TOP3A: variants seen among roughly 807,000 people sequenced by gnomAD.
The protein encoded by TOP3A is DNA topoisomerase 3-alpha.
TOP3A carries 64 observed loss-of-function variants against 111.3 expected under a neutral mutation model. That is an observed-to-expected ratio of 0.57 (90% CI 0.47 to 0.71). The LOEUF is 0.71. TOP3A is among the 30% of genes least tolerant of loss of function. The pLI is 0.00. For missense variants in TOP3A, 1,104 were observed against 1,285.0 expected (o/e 0.86, Z 2.15); for synonymous variants, 484 against 485.1 (o/e 1.00, Z 0.03).
Position 18,292,501 on chromosome 17 carries a change from G to A in TOP3A, c.1281+144C>T, listed in dbSNP as rs556389000. ...GAGGGATGAGGCGGTCTTTATCAAA[G>A]CCAGGCAGAGGATTGTGAAATGAGA... On this transcript the variant is annotated intron_variant, in intron 11 of 18. Transcript: ENST00000321105. 3.6e-5 allele frequency: 29 copies of A among 814,936 alleles called. 1 individual carries two copies. The highest frequency in any genetic ancestry group is 4.9e-5 in the Non-Finnish European group (27 of 547,884). 50.5% of individuals were successfully genotyped at this position (814,936 alleles called of 1,614,324 possible).
chr17:18,292,888 C>T (rs1262220157), intron 10 of TOP3A, 36 bp from the exon 11 acceptor site: 6 of 1,576,674 alleles, frequency 3.8e-6, no homozygotes, highest in South Asian at 1.2e-5. Context: ...AAAGAAATTG[C>T]TAGGCTCTCT....
At chr17:18,302,510 A>G (rs1297068689) in intron 6 of TOP3A, 70 bp downstream of exon 6, 1 of 1,597,384 alleles carries the variant, frequency 6.3e-7, no homozygotes, top group Non-Finnish European at 8.6e-7. Flanking sequence ...ACATATCGAC[A>G]CAGAGCCCAT....
chr17:18,286,347 CAAA>C (rs57468944), intron 13 of TOP3A, among the ~76,000 whole-genome samples: 11 of 118,466 alleles, frequency 9.3e-5, no homozygotes, highest in Admixed American at 1.8e-4. Flanking sequence ...ACTAAAAATA[CAAA>C]AAAAAAAAAA....
At chr17:18,307,013 A>C in intron 3 of TOP3A, 47 bp from the exon 4 acceptor site, 4 of 1,395,112 alleles carry the variant, frequency 2.9e-6, no homozygotes, top group Non-Finnish European at 4.0e-6. Flanking sequence ...CATGACAGAG[A>C]GCCCTCCAAT....
In TOP3A at chr17:18,307,082, G is replaced by A. The variant is rs909305473; in HGVS notation, c.315-116C>T. 21 of 687,358 alleles carry A rather than the reference G, an allele frequency of 3.1e-5. No individual in the cohort carries two copies. In the East Asian group the frequency reaches 3.6e-4, roughly 12 times the overall value. The allele number at this position is 687,358 out of a possible 1,614,324, so 42.6% of individuals were successfully genotyped here. ...GTGTATCCCCAAAAGAAAAGGTCCCGGTGAATTGAAAGTAAGGCTATGACC... is the reference window on the plus strand; with the variant it reads ...GTGTATCCCCAAAAGAAAAGGTCCCAGTGAATTGAAAGTAAGGCTATGACC... On this transcript the variant is annotated intron_variant, in intron 3 of 18. Transcript: ENST00000321105.
chr17:18,276,762 C>T (rs539527725), intron 18 of TOP3A, among the ~76,000 whole-genome samples: 2 of 152,350 alleles, frequency 1.3e-5, no homozygotes, highest in South Asian at 2.1e-4. Flanking sequence ...AGTGCCTCCA[C>T]GTACACCATT....
rs1242031381 is a variant in TOP3A, at chr17:18,301,980, G to A, written c.820C>T (p.His274Tyr). The change falls in exon 8 of 19, where the codon CAT (histidine) becomes TAT (tyrosine). Residue 274 changes from histidine to tyrosine, a missense_variant. Physicochemically the swap from His to Tyr is moderately conservative, Grantham distance 83. Coordinates refer to ENST00000321105, the MANE Select transcript of TOP3A (RefSeq NM_004618.5). ...PEIFHRIKVT[H>Y]DHKDGIVEFN... ...TCTACGATACCATCTTTGTGGTCAT[G>A]AGTTACTATATTAAGGAGAGACAAA... 1.9e-6 allele frequency: 3 copies of A among 1,613,760 alleles called. No homozygotes were observed. Among genetic ancestry groups the A allele is most frequent in the South Asian group, 1.1e-5 (1 of 91,050 alleles).
intron 5 of TOP3A, among the ~76,000 whole-genome samples, chr17:18,303,908 T>C (rs999317878): frequency 6.6e-6 from 1 of 152,188 alleles, no homozygotes; most frequent in Non-Finnish European, 1.5e-5. Flanking sequence ...TTGTGAGAAA[T>C]ACCCACAGGT....
Position 18,278,230 on chromosome 17 carries a change from T to C in TOP3A, c.2272A>G (p.Arg758Gly). 6.3e-7 allele frequency: 1 copy of C among 1,582,852 alleles called. No individual in the cohort carries two copies. Among genetic ancestry groups the C allele is most frequent in the Non-Finnish European group, 8.6e-7 (1 of 1,162,596 alleles). The stretch of plus-strand genomic sequence containing the variant: ...AGGCGGCCAGAGGGCTGGCTAGCCC[T>C]GGGGGGGCCCCCTGAAAATCTCAGG... ...LDLRFSGGPP[R>G]ASQPSGRLQA... Residue 758 changes from arginine to glycine, a missense_variant, in exon 18 of 19, where the codon AGG becomes GGG. Physicochemically the swap from Arg to Gly is moderately radical, Grantham distance 125. Coordinates refer to ENST00000321105, the MANE Select transcript of TOP3A (RefSeq NM_004618.5).
chr17:18,303,996 ACT>A (rs1346448453), intron 5 of TOP3A, among the ~76,000 whole-genome samples: 1 of 151,512 alleles, frequency 6.6e-6, no homozygotes, highest in Non-Finnish European at 1.5e-5. Flanking sequence ...AGACAGTCTC[ACT>A]CTGTCACCCA....
chr17:18,274,756 A>C lies in TOP3A; in HGVS notation c.*46T>G, dbSNP rs1038564735. 6.3e-7 allele frequency: 1 copy of C among 1,575,476 alleles called. No homozygotes were observed. The highest frequency in any genetic ancestry group is 1.4e-5 in the African/African-American group (1 of 73,326). ...CCTGGTTAACTCATTTCTAAACACA[A>C]AGGGGACAGGTCTGAGAAAGTGGCG... On this transcript the variant is annotated 3_prime_UTR_variant, in exon 19 of 19. Coordinates refer to ENST00000321105, the MANE Select transcript of TOP3A (RefSeq NM_004618.5).
At chr17:18,286,105 C>A (rs1980077463) in intron 13 of TOP3A, among the ~76,000 whole-genome samples, 1 of 151,172 alleles carries the variant, frequency 6.6e-6, no homozygotes, top group African/African-American at 2.4e-5. Context: ...GAGGCTGAGG[C>A]AGGAGAATCA....
chr17:18,302,878 A>G (rs887750501), intron 5 of TOP3A, 155 bp from the exon 6 acceptor site: 2 of 796,510 alleles, frequency 2.5e-6, no homozygotes, highest in African/African-American at 1.7e-5. Flanking sequence ...TCAATGGTGT[A>G]CAGTGTCTAA....
chr17:18,292,545 G>T, intron 11 of TOP3A, 100 bp downstream of exon 11: 1 of 1,089,896 alleles, frequency 9.2e-7, no homozygotes. Flanking sequence ...AAAATCACTT[G>T]TTTTTACAAT....
rs1979103303 is a variant in TOP3A, at chr17:18,273,162, TC to T, written c.*1639del. The T allele has an allele frequency of 6.6e-6, 1 of 152,168 alleles. No homozygotes were observed. 9.4% of individuals were successfully genotyped at this position (152,168 alleles called of 1,614,324 possible). On this transcript the variant is annotated 3_prime_UTR_variant, in exon 19 of 19. Coordinates refer to ENST00000321105, the MANE Select transcript of TOP3A (RefSeq NM_004618.5). ...CCCCATCAGAACACAGAGCCACTGG[TC>T]TATGGGCCAGGAGCCCAAGACCTGA...
At chr17:18,286,185 G>A (rs1351286994) in intron 13 of TOP3A, among the ~76,000 whole-genome samples, 1 of 148,802 alleles carries the variant, frequency 6.7e-6, no homozygotes, top group Non-Finnish European at 1.5e-5. Context: ...GGGTGATGGA[G>A]TGAGACTCTC....
At chr17:18,279,077 C>A (rs1303697072) in intron 17 of TOP3A, among the ~76,000 whole-genome samples, 1 of 152,184 alleles carries the variant, frequency 6.6e-6, no homozygotes, top group African/African-American at 2.4e-5. Flanking sequence ...ACTCAGCAGG[C>A]TGACTGCAGA....
At chr17:18,276,924 G>A (rs1015087719) in intron 18 of TOP3A, among the ~76,000 whole-genome samples, 9 of 152,150 alleles carry the variant, frequency 5.9e-5, no homozygotes, top group South Asian at 2.1e-4. Context: ...GGTGGCTCAC[G>A]CCTGTAATCC....
At chr17:18,292,896 T>C in intron 10 of TOP3A, 44 bp from the exon 11 acceptor site, 1 of 1,557,230 alleles carries the variant, frequency 6.4e-7, no homozygotes, top group Non-Finnish European at 8.8e-7. Context: ...TGCTAGGCTC[T>C]CTGATTGGTC....
Sources: allele counts gnomAD v4.1 joint callset (sites outside exome capture counted in the v4.1 genomes callset), GRCh38; gene constraint gnomAD v4.1.1; transcripts MANE v1.5; gene names NCBI Gene and HGNC (gene_info 2026-07-23, HGNC 2026-07-21).